The following TIPIN variants were observed in gnomAD, a reference collection of about 807,000 sequenced individuals.
TIPIN encodes TIMELESS interacting protein.
In TIPIN, 29 loss-of-function variants were observed where a neutral mutation model predicts 35.6. That is an observed-to-expected ratio of 0.82 (90% CI 0.61 to 1.11). The LOEUF (loss-of-function observed/expected upper bound fraction) is 1.11, where lower values mean the gene tolerates loss of function less well. Ranked by LOEUF, TIPIN falls within the 50% of genes most tolerant of loss-of-function variation. The pLI is 0.00. For synonymous variants in TIPIN, 102 were observed against 121.5 expected (o/e 0.84, Z 1.06); for missense variants, 296 against 345.4 (o/e 0.86, Z 1.13).
chr15:66,382,330 G>A (rs2140503963), intron 1 of TIPIN: 1 of 984,762 alleles, frequency 1.0e-6, no homozygotes, highest in East Asian at 1.1e-4. Context: ...TGTTTTGTTT[G>A]ATTTTGAACC....
chr15:66,347,085 G>A (rs998574386), intron 6 of TIPIN: 6 of 303,498 alleles, frequency 2.0e-5, no homozygotes, highest in South Asian at 5.3e-5. Context: ...GTGAGCCACC[G>A]CGCCCGGCCT....
chr15:66,385,123 C>T (rs1039418027), intron 1 of TIPIN, among the ~76,000 whole-genome samples: 5 of 152,220 alleles, frequency 3.3e-5, no homozygotes, highest in Admixed American at 2.0e-4. Flanking sequence ...ACTAACCTCC[C>T]ATCTAAGCTT....
chr15:66,337,153 G>C lies in TIPIN; in HGVS notation c.711C>G (p.His237Gln). 1 of 1,613,738 alleles carries C rather than the reference G, an allele frequency of 6.2e-7. No individual in the cohort carries two copies. Among genetic ancestry groups the C allele is most frequent in the Non-Finnish European group, 8.5e-7 (1 of 1,179,954 alleles). The change falls in exon 8 of 8, where the codon CAC becomes CAG. Residue 237 changes from histidine (H) to glutamine (Q), a missense_variant. Transcript: ENST00000261881. ...CATCAGTATTAACCTCTTCAACCGT[G>C]TGTGCCCTGGGTGTATTCATTAACA... ...NDMLMNTPRA[H>Q]TVEEVNTDED...
intron 1 of TIPIN, among the ~76,000 whole-genome samples, chr15:66,373,307 C>A (rs2093284263): frequency 6.6e-6 from 1 of 152,016 alleles, no homozygotes; most frequent in Admixed American, 6.6e-5. Context: ...TCCTGGCTAA[C>A]ACGGTGAAAC....
At chr15:66,350,500 G>A (rs1488768440) in intron 4 of TIPIN, among the ~76,000 whole-genome samples, 4 of 151,786 alleles carry the variant, frequency 2.6e-5, no homozygotes, top group Admixed American at 2.0e-4. Context: ...AGCTACTTGG[G>A]AGGCTGAAGC....
chr15:66,364,209 A>AGGCT (rs1370847929), intron 1 of TIPIN, among the ~76,000 whole-genome samples: 1 of 118,412 alleles, frequency 8.4e-6, no homozygotes, highest in African/African-American at 3.4e-5. Flanking sequence ...CTTGTTGCCC[A>AGGCT]GGCTGTAGTG....
At chr15:66,377,696 T>C (rs1004630300) in intron 1 of TIPIN, among the ~76,000 whole-genome samples, 8 of 151,756 alleles carry the variant, frequency 5.3e-5, no homozygotes, top group Non-Finnish European at 5.9e-5. Flanking sequence ...TAACTTGGAG[T>C]CTCGCTCTGT....
upstream of TIPIN, among the ~76,000 whole-genome samples, chr15:66,359,793 TAAAA>T (rs753419103): frequency 1.2e-4 from 19 of 152,232 alleles, no homozygotes; most frequent in Non-Finnish European, 2.4e-4. Context: ...TCTGAGAAGT[TAAAA>T]AAAGTTATAC....
At chr15:66,346,515 C>T (rs1009143223) in intron 6 of TIPIN, among the ~76,000 whole-genome samples, 8 of 152,104 alleles carry the variant, frequency 5.3e-5, no homozygotes, top group African/African-American at 1.4e-4. Context: ...TCCCACCCTG[C>T]GACCTACTCA....
chr15:66,354,436 T>G (rs1461319370), intron 1 of TIPIN, among the ~76,000 whole-genome samples: 1 of 152,224 alleles, frequency 6.6e-6, no homozygotes, highest in African/African-American at 2.4e-5. Flanking sequence ...TATTTCTCCT[T>G]ATCTCTATAA....
exon 1 of TIPIN, chr15:66,386,635 G>A (rs2093340075): frequency 5.8e-6 from 1 of 173,090 alleles, no homozygotes; most frequent in South Asian, 2.0e-4. Context: ...GCGGCACCTG[G>A]CCTGGAGAGC....
chr15:66,338,366 C>T (rs1036041348), intron 7 of TIPIN, among the ~76,000 whole-genome samples: 7 of 152,086 alleles, frequency 4.6e-5, no homozygotes, highest in Admixed American at 6.6e-5. Context: ...TCCATTTGGA[C>T]AAATTTTAAG....
upstream of TIPIN, among the ~76,000 whole-genome samples, chr15:66,357,595 CAAAA>C (rs574898699): frequency 3.5e-4 from 22 of 63,424 alleles, 4 homozygotes; most frequent in Admixed American, 9.2e-4. Context: ...GATCTTGTCG[CAAAA>C]AAAAAAAAAA....
chr15:66,349,806 G>T (rs1412112557), intron 4 of TIPIN, among the ~76,000 whole-genome samples: 1 of 152,024 alleles, frequency 6.6e-6, no homozygotes, highest in Non-Finnish European at 1.5e-5. Context: ...CCTGAGCCTG[G>T]GGGGCAGAGG....
At chr15:66,358,846 C>T (rs577356527), upstream of TIPIN, among the ~76,000 whole-genome samples, 10 of 152,198 alleles carry the variant, frequency 6.6e-5, 2 homozygotes, top group African/African-American at 2.4e-4. Context: ...GAATTCGAGA[C>T]CAGCCTGGCC....
rs775086729 is a variant in TIPIN, at chr15:66,349,335, C to T, written c.391G>A (p.Gly131Arg). The T allele has an allele frequency of 4.1e-5, 66 of 1,613,626 alleles. No individual in the cohort carries two copies. The highest frequency in any genetic ancestry group is 5.4e-5 in the Non-Finnish European group (64 of 1,179,988). ...EDFIDRVEYL[G>R]SKKEVQTCLK... The stretch of plus-strand genomic sequence containing the variant: ...CTTACCTGAACTTCCTTTTTACTTC[C>T]CAGGTATTCAACTCTGTCAATAAAA... Residue 131 changes from glycine to arginine, a missense_variant, in exon 5 of 8, where the codon GGA becomes AGA. By Grantham distance (125) the Gly-to-Arg change is moderately radical. Transcript: ENST00000261881.
intron 1 of TIPIN, among the ~76,000 whole-genome samples, chr15:66,376,831 G>A (rs1228259756): frequency 1.3e-5 from 2 of 151,788 alleles, no homozygotes; most frequent in African/African-American, 2.4e-5. Context: ...TGCAGCAGCT[G>A]GGCACGGTGG....
chr15:66,349,512 G>C, intron 4 of TIPIN, 75 bp from the exon 5 acceptor site: 1 of 1,535,180 alleles, frequency 6.5e-7, no homozygotes, highest in Non-Finnish European at 8.7e-7. Context: ...TTTCAGAACT[G>C]AAAAGCTATG....
At chr15:66,341,116 A>T in intron 7 of TIPIN, 34 bp downstream of exon 7, 1 of 1,587,588 alleles carries the variant, frequency 6.3e-7, no homozygotes, top group Non-Finnish European at 8.6e-7. Flanking sequence ...TTGATATATT[A>T]ATGGTAGCAT....
Sources: allele counts gnomAD v4.1 joint callset (sites outside exome capture counted in the v4.1 genomes callset), GRCh38; gene constraint gnomAD v4.1.1; transcripts MANE v1.5; gene names NCBI Gene and HGNC (gene_info 2026-07-23, HGNC 2026-07-21).